Variants in NEMP2 observed in about 807,000 individuals in gnomAD.
The protein encoded by NEMP2 is UPF0571 transmembrane protein.
NEMP2 carries 53 observed loss-of-function variants against 54.2 expected under a neutral mutation model. The observed-to-expected ratio is 0.98, with a 90% CI of 0.78 to 1.23. The LOEUF (loss-of-function observed/expected upper bound fraction) is 1.23. Ranked by LOEUF, NEMP2 falls within the 50% of genes most tolerant of loss-of-function variation. NEMP2 has a pLI of 0.00. For synonymous variants in NEMP2, 197 were observed against 190.3 expected (o/e 1.04, Z -0.29); for missense variants, 455 against 511.3 (o/e 0.89, Z 1.06).
At chr2:190,441,614 G>A in the NEMP2 span, among the ~76,000 whole-genome samples, 3 of 152,032 alleles carry the variant, frequency 2.0e-5, no homozygotes, top group Non-Finnish European at 4.4e-5. Context: ...TACATGTGCT[G>A]GTCAGTACTC....
At chr2:190,578,132 A>G in the NEMP2 span, among the ~76,000 whole-genome samples, 3 of 152,288 alleles carry the variant, frequency 2.0e-5, no homozygotes, top group South Asian at 6.2e-4. The surrounding 1 kb of genome is among the most constrained non-coding windows in gnomAD (Gnocchi z 4.4). Flanking sequence ...ACTTGTCATA[A>G]TGGACAGGAT....
At chr2:190,558,932 G>A in the NEMP2 span, among the ~76,000 whole-genome samples, 1 of 152,092 alleles carries the variant, frequency 6.6e-6, no homozygotes. This position sits in a 1 kb window ranked among gnomAD's most constrained non-coding sequence, Gnocchi z 4.4. Flanking sequence ...AAGAAAATAT[G>A]ATGAAACTTT....
At chr2:190,614,328 C>G in the NEMP2 span, among the ~76,000 whole-genome samples, 5 of 152,128 alleles carry the variant, frequency 3.3e-5, no homozygotes, top group African/African-American at 1.2e-4. This position sits in a 1 kb window ranked among gnomAD's most constrained non-coding sequence, Gnocchi z 5.7. Flanking sequence ...TTCTTAAAAA[C>G]CCCAGAGTAG....
At chr2:190,487,728 T>A in the NEMP2 span, among the ~76,000 whole-genome samples, 1 of 152,210 alleles carries the variant, frequency 6.6e-6, no homozygotes. The surrounding 1 kb of genome is among the most constrained non-coding windows in gnomAD (Gnocchi z 5.5). Flanking sequence ...ATTGCTATTT[T>A]AAAAAGATAT....
chr2:190,592,178 G>GCT, the NEMP2 span, among the ~76,000 whole-genome samples: 1 of 152,072 alleles, frequency 6.6e-6, no homozygotes, highest in African/African-American at 2.4e-5. The surrounding 1 kb of genome is among the most constrained non-coding windows in gnomAD (Gnocchi z 4.4). Flanking sequence ...TTGAATTTCA[G>GCT]CTCTGCCATT....
chr2:190,610,932 A>G, the NEMP2 span: 1 of 152,096 alleles, frequency 6.6e-6, no homozygotes, highest in East Asian at 1.9e-4. This position sits in a 1 kb window ranked among gnomAD's most constrained non-coding sequence, Gnocchi z 5.4. Flanking sequence ...GAATATTTTA[A>G]CTCTTCAAGA....
the NEMP2 span, among the ~76,000 whole-genome samples, chr2:190,459,073 C>G: frequency 1.3e-5 from 2 of 152,208 alleles, no homozygotes; most frequent in African/African-American, 4.8e-5. This position sits in a 1 kb window ranked among gnomAD's most constrained non-coding sequence, Gnocchi z 5.3. Context: ...GTCTCACCTG[C>G]AGCTTTGCTT....
chr2:190,585,745 T>G, the NEMP2 span, among the ~76,000 whole-genome samples: 1 of 152,214 alleles, frequency 6.6e-6, no homozygotes, highest in East Asian at 1.9e-4. This position sits in a 1 kb window ranked among gnomAD's most constrained non-coding sequence, Gnocchi z 5.3. Context: ...TATTGATCCT[T>G]CTCTGCCTTC....
chr2:190,583,061 C>T, the NEMP2 span, among the ~76,000 whole-genome samples: 1 of 152,134 alleles, frequency 6.6e-6, no homozygotes, highest in Admixed American at 6.6e-5. Context: ...ATTATAAGAC[C>T]TATCCTGAAG....
At chr2:190,612,955 GTTTAA>G in the NEMP2 span, among the ~76,000 whole-genome samples, 2 of 152,004 alleles carry the variant, frequency 1.3e-5, no homozygotes, top group African/African-American at 2.4e-5. Flanking sequence ...AATATCTGTT[GTTTAA>G]TTTAATATAA....
the NEMP2 span, among the ~76,000 whole-genome samples, chr2:190,635,027 T>C: frequency 1.3e-5 from 2 of 152,202 alleles, no homozygotes; most frequent in Admixed American, 6.5e-5. This position sits in a 1 kb window ranked among gnomAD's most constrained non-coding sequence, Gnocchi z 4.1. Flanking sequence ...TTTAAATTGA[T>C]TTAATAAGCC....
the NEMP2 span, among the ~76,000 whole-genome samples, chr2:190,464,286 G>T: frequency 6.6e-6 from 1 of 152,028 alleles, no homozygotes; most frequent in South Asian, 2.1e-4. Flanking sequence ...TAATTATTTT[G>T]GGAAGTTTTG....
the NEMP2 span, among the ~76,000 whole-genome samples, chr2:190,428,248 G>A: frequency 2.0e-5 from 3 of 152,298 alleles, no homozygotes; most frequent in South Asian, 2.1e-4. Flanking sequence ...TGTATCTGCT[G>A]TAGACAGGTT....
chr2:190,436,970 T>G, the NEMP2 span: 1 of 1,614,230 alleles, frequency 6.2e-7, no homozygotes, highest in South Asian at 1.1e-5. This position sits in a 1 kb window ranked among gnomAD's most constrained non-coding sequence, Gnocchi z 5.3. Flanking sequence ...ACGGTCACAC[T>G]CCAGTATCTG....
chr2:190,575,516 C>A, the NEMP2 span, among the ~76,000 whole-genome samples: 1,219 of 152,096 alleles, frequency 8.0e-3, 6 homozygotes, highest in African/African-American at 0.027. Context: ...CTTGTTAGTA[C>A]TTCTGATAAT....
chr2:190,478,101 T>G, the NEMP2 span, among the ~76,000 whole-genome samples: 11 of 152,190 alleles, frequency 7.2e-5, no homozygotes, highest in Non-Finnish European at 1.5e-4. Flanking sequence ...CTCAGGGATA[T>G]TATCCCAGGA....
intron 5 of NEMP2, among the ~76,000 whole-genome samples, chr2:190,517,101 A>G (rs1467322688): frequency 6.6e-6 from 1 of 151,840 alleles, no homozygotes; most frequent in Non-Finnish European, 1.5e-5. Flanking sequence ...AAAAAAAAAA[A>G]AAAAAAAAAA....
rs1320095675 is a variant in NEMP2 at position 190,520,469 on chromosome 2, G to A, written c.214-1286C>T. On this transcript the variant is annotated intron_variant, in intron 2 of 8. Transcript: ENST00000409150. The surrounding 1 kb of genome is among the most constrained non-coding windows in gnomAD (Gnocchi z 5.4). The stretch of plus-strand genomic sequence containing the variant: ...AAGAGTAGGGCAACCCTGAAAAGGG[G>A]AGTAAGAGCACCAGCTTTGAATCTC... Among the ~76,000 whole-genome samples the A allele has an allele frequency of 1.3e-5, 2 of 152,200 alleles. No individual in the cohort carries two copies. Among genetic ancestry groups the A allele is most frequent in the Admixed American group, 6.5e-5 (1 of 15,292 alleles).
chr2:190,601,476 G>C, the NEMP2 span, among the ~76,000 whole-genome samples: 1 of 152,192 alleles, frequency 6.6e-6, no homozygotes, highest in Non-Finnish European at 1.5e-5. This position sits in a 1 kb window ranked among gnomAD's most constrained non-coding sequence, Gnocchi z 5.8. Flanking sequence ...TTGACTCAAA[G>C]CTCCTGGAAG....
Sources: gnomAD v4.1 joint callset for allele counts (sites outside exome capture counted in the v4.1 genomes callset) on GRCh38, gnomAD v4.1.1 for gene constraint, Gnocchi (gnomAD v3.1) non-coding constraint, MANE v1.5 for transcripts, NCBI Gene and HGNC (gene_info 2026-07-23, HGNC 2026-07-21) for gene names.